LPIN3: variants seen among roughly 807,000 people sequenced by gnomAD.
LPIN3 encodes the protein lipin 3, also known as phosphatidate phosphatase LPIN3.
LPIN3 carries 82 observed loss-of-function variants against 94.7 expected under a neutral mutation model. That is an observed-to-expected ratio of 0.87 (90% CI 0.72 to 1.04). LPIN3 has a LOEUF of 1.04. Among genes scored for constraint, LPIN3 ranks in the 50% least tolerant of loss-of-function variants. The pLI, the probability that LPIN3 is intolerant of heterozygous loss-of-function variation, is 0.00. For synonymous variants in LPIN3, 418 were observed against 443.3 expected, an observed-to-expected ratio of 0.94 and a Z score of 0.72; for missense variants, 996 against 1,090.5, an observed-to-expected ratio of 0.91 and a Z score of 1.22.
At chr20:41,345,211 C>T (rs1028759300) in intron 1 of LPIN3, among the ~76,000 whole-genome samples, 4 of 152,228 alleles carry the variant, frequency 2.6e-5, no homozygotes, top group Non-Finnish European at 5.9e-5. Flanking sequence ...CATTATCCAG[C>T]AGGGCCCTGG....
At chr20:41,349,964 G>A in intron 6 of LPIN3, 70 bp downstream of exon 6, 2 of 1,572,340 alleles carry the variant, frequency 1.3e-6, no homozygotes, top group Non-Finnish European at 1.7e-6. Flanking sequence ...GTCAGGGTTG[G>A]AGGGACTGAA....
intron 11 of LPIN3, among the ~76,000 whole-genome samples, chr20:41,354,069 G>C (rs2046121454): frequency 2.0e-5 from 3 of 152,222 alleles, no homozygotes; most frequent in Admixed American, 6.5e-5. Flanking sequence ...GTGTCCCCCA[G>C]ATGGGACTTG....
chr20:41,345,042 G>C (rs2045719368), intron 1 of LPIN3, among the ~76,000 whole-genome samples: 1 of 152,190 alleles, frequency 6.6e-6, no homozygotes. Flanking sequence ...TCCCACCCTT[G>C]GTCCCCCATA....
Position 41,346,007 on chromosome 20 carries a change from G to A in LPIN3, c.192+12G>A, listed in dbSNP as rs948523587. 2.5e-6 allele frequency: 4 copies of A among 1,610,038 alleles called. No individual in the cohort carries two copies. The highest frequency in any genetic ancestry group is 2.2e-5 in the South Asian group (2 of 90,556). The stretch of plus-strand genomic sequence containing the variant: ...CGCGGGAGAAGGTGGTGAGTGCTCA[G>A]GCTGGCTGAGGTGGCTACTGCAGAG... On this transcript the variant is annotated intron_variant, in intron 2 of 19. Transcript: ENST00000373257.
chr20:41,347,232 G>A (rs1373399829), intron 2 of LPIN3, among the ~76,000 whole-genome samples: 1 of 152,230 alleles, frequency 6.6e-6, no homozygotes, highest in Non-Finnish European at 1.5e-5. Flanking sequence ...GGATGTGAGA[G>A]ACAGAGGGAA....
intron 1 of LPIN3, among the ~76,000 whole-genome samples, chr20:41,342,957 G>A (rs937745230): frequency 2.6e-5 from 4 of 152,108 alleles, no homozygotes; most frequent in African/African-American, 4.8e-5. Context: ...TCTGCTATTC[G>A]GCCCTTTCTA....
chr20:41,347,660 T>A lies in LPIN3; in HGVS notation c.288+13T>A. ...GGAGAGCGATGATGTGAGTCTGCCC[T>A]CCTAACAGCACCTGCCCCGCCCACC... On this transcript the variant is annotated intron_variant, in intron 3 of 19. Coordinates refer to ENST00000373257, the MANE Select transcript of LPIN3 (RefSeq NM_022896.3). The A allele has an allele frequency of 5.0e-6, 8 of 1,606,926 alleles. No homozygotes were observed. Among genetic ancestry groups the A allele is most frequent in the Non-Finnish European group, 6.8e-6 (8 of 1,175,300 alleles).
At position 41,352,137 on chromosome 20, in the gene LPIN3, A is replaced by G; in HGVS notation, c.1280A>G (p.Glu427Gly). Residue 427 changes from glutamate to glycine, a missense_variant, in exon 9 of 20, where the codon GAA becomes GGA. Transcript: ENST00000373257. ...CTGAGGGACCCCAACCCTGAACATGAACCTGAACCCACTCTGGACACAGTG... is the reference window on the plus strand; with the variant it reads ...CTGAGGGACCCCAACCCTGAACATGGACCTGAACCCACTCTGGACACAGTG... ...KSLRDPNPEH[E>G]PEPTLDTVDT... The G allele has an allele frequency of 6.2e-7, 1 of 1,614,208 alleles. No homozygotes were observed. Among genetic ancestry groups the G allele is most frequent in the South Asian group, 1.1e-5 (1 of 91,082 alleles).
At chr20:41,351,602 C>T (rs2046017369) in intron 7 of LPIN3, among the ~76,000 whole-genome samples, 1 of 152,132 alleles carries the variant, frequency 6.6e-6, no homozygotes, top group South Asian at 2.1e-4. Flanking sequence ...GCCTAGAATT[C>T]CATTTCTCTG....
chr20:41,358,797 C>T lies in LPIN3; in HGVS notation c.2487C>T (p.Asn829=). The change falls in exon 20 of 20, where the codon AAC becomes AAT. Residue 829 remains asparagine, a synonymous_variant. Coordinates refer to ENST00000373257, the MANE Select transcript of LPIN3 (RefSeq NM_022896.3). ...VARGPSTDLA[N]PEYSNFCYWR... is the part of the protein sequence containing the mutation. The stretch of plus-strand genomic sequence containing the variant: ...GTGGCCCCAGCACAGACCTGGCCAA[C>T]CCTGAATACAGTAACTTCTGCTACT... 6.2e-7 allele frequency: 1 copy of T among 1,614,146 alleles called. No homozygotes were observed. The highest frequency in any genetic ancestry group is 1.7e-5 in the Admixed American group (1 of 60,022).
rs2046341804 is a variant in LPIN3, at chr20:41,360,229, T to C, written c.*1363T>C. ...GTTTCGTACCTGAATTTCTCACCTT[T>C]TGTGAACATCTTGGGAGGGTGGGGG... On this transcript the variant is annotated 3_prime_UTR_variant, in exon 20 of 20. Transcript: ENST00000373257. The C allele has an allele frequency of 6.6e-6, 1 of 152,540 alleles. No individual in the cohort carries two copies. Among genetic ancestry groups the C allele is most frequent in the Non-Finnish European group, 1.5e-5 (1 of 68,062 alleles). The allele number at this position is 152,540 out of a possible 1,614,324, so 9.4% of individuals were successfully genotyped here.
chr20:41,358,401 C>T (rs1203103212), intron 18 of LPIN3, 38 bp from the exon 19 acceptor site: 1 of 1,613,144 alleles, frequency 6.2e-7, no homozygotes, highest in Admixed American at 1.7e-5. Context: ...CAGCTGCCTG[C>T]AGGCCTCCAT....
intron 2 of LPIN3, among the ~76,000 whole-genome samples, chr20:41,346,963 T>C (rs1442133149): frequency 6.6e-6 from 1 of 152,156 alleles, no homozygotes; most frequent in African/African-American, 2.4e-5. Context: ...ACTCAGCCTT[T>C]TTGGCTTCAT....
chr20:41,351,299 C>T (rs1173301369), intron 7 of LPIN3, among the ~76,000 whole-genome samples: 3 of 129,600 alleles, frequency 2.3e-5, no homozygotes, highest in Non-Finnish European at 3.1e-5. Flanking sequence ...TATAAAATTC[C>T]ATTTTTTTTT....
At chr20:41,348,938 T>A in intron 4 of LPIN3, 51 bp downstream of exon 4, 1 of 1,589,682 alleles carries the variant, frequency 6.3e-7, no homozygotes, top group Non-Finnish European at 8.6e-7. Flanking sequence ...TCAAGTGCTG[T>A]TTCCTCTGCT....
chr20:41,347,386 C>T (rs2045819401), intron 2 of LPIN3, among the ~76,000 whole-genome samples, 166 bp from the exon 3 acceptor site: 1 of 152,140 alleles, frequency 6.6e-6, no homozygotes, highest in Non-Finnish European at 1.5e-5. Flanking sequence ...TGCAGCAGAG[C>T]CCCCCTTCGT....
At chr20:41,354,484 G>A (rs1423417332) in intron 11 of LPIN3, among the ~76,000 whole-genome samples, 161 bp from the exon 12 acceptor site, 1 of 152,214 alleles carries the variant, frequency 6.6e-6, no homozygotes, top group Non-Finnish European at 1.5e-5. Context: ...GGAATCCCAG[G>A]ATGGAGGTGA....
In LPIN3 at chr20:41,356,064, G is replaced by C. The variant is rs768225801; in HGVS notation, c.1803+30G>C. On this transcript the variant is annotated intron_variant, in intron 14 of 19. Transcript: ENST00000373257. ...GTGTGGGTTGTCTGTGTGGAGGTTG[G>C]GGAGGGGCTGAGCTAATTCTGTCTT... is the stretch of plus-strand genomic sequence containing the variant. 15 of 1,607,856 alleles carry C rather than the reference G, an allele frequency of 9.3e-6. No homozygotes were observed. The South Asian group carries it at 1.3e-4, about 14-fold the overall frequency.
At chr20:41,347,446 A>G in intron 2 of LPIN3, 106 bp from the exon 3 acceptor site, 2 of 1,016,020 alleles carry the variant, frequency 2.0e-6, no homozygotes, top group Non-Finnish European at 3.1e-6. Context: ...CCCAGCAAGT[A>G]TGGTGTTTGG....
Sources: allele counts gnomAD v4.1 joint callset (sites outside exome capture counted in the v4.1 genomes callset), GRCh38; gene constraint gnomAD v4.1.1; transcripts MANE v1.5; gene names NCBI Gene and HGNC (gene_info 2026-07-23, HGNC 2026-07-21).